Variants in DGKB observed in about 807,000 individuals in gnomAD.
DGKB encodes diacylglycerol kinase beta.
A neutral mutation model predicts 114.3 loss-of-function variants in DGKB; 67 were observed. The ratio of observed to expected loss-of-function variants is 0.59; its 90% CI spans 0.48 to 0.72. DGKB has a LOEUF of 0.72. Ranked by LOEUF, DGKB falls within the 30% of genes least tolerant of loss-of-function variation. DGKB has a pLI of 0.00. For synonymous variants in DGKB, 398 were observed against 323.1 expected, an observed-to-expected ratio of 1.23 and a Z score of -2.49; for missense variants, 907 against 975.2, an observed-to-expected ratio of 0.93 and a Z score of 0.93.
At position 14,782,057 on chromosome 7, in the gene DGKB, T is replaced by C. The variant is rs140218327; in HGVS notation, c.71-24326A>G. 4.4e-3 allele frequency among the ~76,000 whole-genome samples: 672 copies of C among 152,248 alleles called. 7 individuals are homozygous for C. The highest frequency in any genetic ancestry group is 0.015 in the African/African-American group (619 of 41,566). Reference sequence around the variant, plus strand: ...TTATTTCATTTGAGACAGAATCTTGTTGTCTCTCCCAGGCTGAAGTGCAGT... The same window carrying C: ...TTATTTCATTTGAGACAGAATCTTGCTGTCTCTCCCAGGCTGAAGTGCAGT... On this transcript the variant is annotated intron_variant, in intron 2 of 25. Transcript: ENST00000402815.
chr7:14,429,275 T>C (rs1450051353), intron 21 of DGKB, among the ~76,000 whole-genome samples: 2 of 152,050 alleles, frequency 1.3e-5, no homozygotes, highest in East Asian at 3.9e-4. Flanking sequence ...CATGATGGGA[T>C]TAGTGGTGCC....
intron 21 of DGKB, among the ~76,000 whole-genome samples, chr7:14,395,833 C>T (rs1337286510): frequency 1.3e-5 from 2 of 151,682 alleles, no homozygotes; most frequent in Non-Finnish European, 2.9e-5. Context: ...CTATATATAA[C>T]CTATTGGATT....
intron 2 of DGKB, among the ~76,000 whole-genome samples, chr7:14,830,144 A>AC (rs1254071626): frequency 6.9e-6 from 1 of 144,826 alleles, no homozygotes; most frequent in Admixed American, 6.8e-5. Context: ...TCTGACCAGT[A>AC]CTTTTTAAAA....
chr7:14,547,371 A>G (rs1794448482), intron 20 of DGKB, among the ~76,000 whole-genome samples: 1 of 152,224 alleles, frequency 6.6e-6, no homozygotes, highest in African/African-American at 2.4e-5. Flanking sequence ...AGTAAATGGA[A>G]TAAAATGAAA....
chr7:14,900,266 A>C (rs150117522), intron 1 of DGKB, among the ~76,000 whole-genome samples: 8 of 152,320 alleles, frequency 5.3e-5, no homozygotes, highest in African/African-American at 1.7e-4. Context: ...GTTTTACAAG[A>C]GAAAGAGAAT....
intron 21 of DGKB, among the ~76,000 whole-genome samples, chr7:14,370,309 T>C (rs1402005536): frequency 6.6e-6 from 1 of 151,374 alleles, no homozygotes; most frequent in Non-Finnish European, 1.5e-5. Context: ...GGTCTATATA[T>C]GCTGTTTTGG....
At chr7:14,922,191 T>C (rs1009791628) in intron 1 of DGKB, among the ~76,000 whole-genome samples, 8 of 152,000 alleles carry the variant, frequency 5.3e-5, no homozygotes, top group Non-Finnish European at 1.0e-4. Context: ...ACTGTTTCCA[T>C]GACCAAAGCA....
At chr7:14,461,868 C>T (rs144448855) in intron 21 of DGKB, among the ~76,000 whole-genome samples, 1 of 152,146 alleles carries the variant, frequency 6.6e-6, no homozygotes, top group African/African-American at 2.4e-5. Context: ...AAAATACTGG[C>T]AAAGCAAATC....
chr7:14,422,195 A>G (rs1371926979), intron 21 of DGKB, among the ~76,000 whole-genome samples: 1 of 152,074 alleles, frequency 6.6e-6, no homozygotes, highest in Non-Finnish European at 1.5e-5. Context: ...TTGTTTCTAA[A>G]TATGATTAAT....
chr7:14,803,951 T>A (rs1359431339), intron 2 of DGKB, among the ~76,000 whole-genome samples: 5 of 152,106 alleles, frequency 3.3e-5, no homozygotes, highest in East Asian at 3.8e-4. Context: ...GTGGAATCAT[T>A]ATCCAGAATT....
rs193145343 is a variant in DGKB, at chr7:14,281,291, A to C, written c.2122+57224T>G. Among the ~76,000 whole-genome samples the C allele has an allele frequency of 2.3e-3, 349 of 151,342 alleles. 11 individuals are homozygous for C. In the East Asian group the frequency reaches 0.033, roughly 14 times the overall value. On this transcript the variant is annotated intron_variant, in intron 23 of 25. Transcript: ENST00000402815. ...ACCATTACATAATGGTAAAGGGATC[A>C]ATTCAACAAGAAGAGCTAACTATCC...
chr7:14,878,371 T>C (rs917483476), intron 1 of DGKB, among the ~76,000 whole-genome samples: 3 of 152,238 alleles, frequency 2.0e-5, no homozygotes, highest in South Asian at 2.1e-4. Context: ...AGAGCACTTA[T>C]GTGACTATAC....
intron 23 of DGKB, among the ~76,000 whole-genome samples, chr7:14,248,554 A>C (rs1446613786): frequency 1.3e-5 from 2 of 152,050 alleles, no homozygotes; most frequent in East Asian, 3.9e-4. Flanking sequence ...TTTTCAGTGT[A>C]TAAATATTTT....
chr7:14,314,257 C>T (rs1419081813), intron 23 of DGKB, among the ~76,000 whole-genome samples: 1 of 152,110 alleles, frequency 6.6e-6, no homozygotes, highest in Non-Finnish European at 1.5e-5. Flanking sequence ...AGCTCCTCAC[C>T]AGCAACGGAA....
In DGKB at chr7:14,526,753, T is replaced by A. The variant is rs1790706441; in HGVS notation, c.1770+47459A>T. 4.6e-5 allele frequency among the ~76,000 whole-genome samples: 7 copies of A among 152,232 alleles called. No homozygotes were observed. In the South Asian group the frequency reaches 1.4e-3, roughly 32 times the overall value. ...ATTTTGATCTGTGCATCTAATGCAG[T>A]TCGTAATAGAGAAAGAATGAATTCT... On this transcript the variant is annotated intron_variant, in intron 20 of 25. Coordinates refer to ENST00000402815, the MANE Select transcript of DGKB (RefSeq NM_001350709.2).
chr7:14,170,031 G>C (rs1441897015), intron 25 of DGKB, among the ~76,000 whole-genome samples: 1 of 151,620 alleles, frequency 6.6e-6, no homozygotes, highest in Non-Finnish European at 1.5e-5. Flanking sequence ...CTACTTGGGA[G>C]GCTGAGGCAG....
intron 20 of DGKB, among the ~76,000 whole-genome samples, chr7:14,526,930 G>C (rs908001382): frequency 6.6e-6 from 1 of 152,000 alleles, no homozygotes; most frequent in African/African-American, 2.4e-5. Context: ...AGATCTAATT[G>C]GGTTTACACC....
intron 13 of DGKB, among the ~76,000 whole-genome samples, chr7:14,661,668 C>T (rs9692069): frequency 6.6e-6 from 1 of 151,576 alleles, no homozygotes. Flanking sequence ...GGATCTAGAA[C>T]TAGAAATACC....
At chr7:14,153,008 T>C (rs1352214107) in intron 25 of DGKB, among the ~76,000 whole-genome samples, 1 of 152,016 alleles carries the variant, frequency 6.6e-6, no homozygotes, top group African/African-American at 2.4e-5. Context: ...AAAACTGAAG[T>C]AGAATTTCAT....
Sources: gnomAD v4.1 joint callset for allele counts (sites outside exome capture counted in the v4.1 genomes callset) on GRCh38, gnomAD v4.1.1 for gene constraint, MANE v1.5 for transcripts, NCBI Gene and HGNC (gene_info 2026-07-23, HGNC 2026-07-21) for gene names.